Variants in TCF20 observed in about 807,000 individuals in gnomAD.
TCF20 encodes the protein transcription factor 20.
A neutral mutation model predicts 148.6 loss-of-function variants in TCF20; 3 were observed. That is an observed-to-expected ratio of 0.02 (90% CI 0.01 to 0.05). TCF20 has a LOEUF of 0.05. Among genes scored for constraint, TCF20 ranks in the 10% least tolerant of loss-of-function variants. TCF20 has a pLI of 1.00. For synonymous variants in TCF20, 1,049 were observed against 909.5 expected (o/e 1.15, Z -2.76); for missense variants, 2,350 against 2,429.3 (o/e 0.97, Z 0.69).
At chr22:42,311,272 C>T (rs1255878765) in intron 1 of TCF20, among the ~76,000 whole-genome samples, 1 of 152,260 alleles carries the variant, frequency 6.6e-6, no homozygotes, top group Non-Finnish European at 1.5e-5. Flanking sequence ...TGCCTAAGTG[C>T]TTCATCTCCT....
intron 1 of TCF20, among the ~76,000 whole-genome samples, chr22:42,291,419 G>A (rs190885165): frequency 8.5e-5 from 13 of 152,254 alleles, no homozygotes; most frequent in East Asian, 7.7e-4. Flanking sequence ...CTAGAGTCTC[G>A]ACCAGGGTAG....
At position 42,279,594 on chromosome 22, in the gene TCF20, G is replaced by A. The variant is rs1167691140; in HGVS notation, c.-37+4233C>T. Among the ~76,000 whole-genome samples, 1 of 152,226 alleles carries A rather than the reference G, an allele frequency of 6.6e-6. No homozygotes were observed. Among genetic ancestry groups the A allele is most frequent in the Non-Finnish European group, 1.5e-5 (1 of 68,052 alleles). On this transcript the variant is annotated intron_variant, in intron 1 of 5. Coordinates refer to the TCF20 transcript ENST00000359486. The surrounding 1 kb of genome is among the most constrained non-coding windows in gnomAD (Gnocchi z 4.3). The stretch of plus-strand genomic sequence containing the variant: ...AGGGACATTAACATCACCCCCGAGT[G>A]AGGGCTGCAGGCACACAGTGACTGC...
chr22:42,258,151 A>G (rs1925841979), intron 1 of TCF20, among the ~76,000 whole-genome samples: 1 of 152,178 alleles, frequency 6.6e-6, no homozygotes, highest in African/African-American at 2.4e-5. Context: ...GCTCATCTTA[A>G]CTACTTTCTT....
At chr22:42,318,374 C>G (rs1265535470) in intron 1 of TCF20, among the ~76,000 whole-genome samples, 1 of 152,120 alleles carries the variant, frequency 6.6e-6, no homozygotes, top group Non-Finnish European at 1.5e-5. Flanking sequence ...GAACAATTGG[C>G]TAAAATATAC....
In TCF20 at chr22:42,195,223, C is replaced by T. The variant is rs533197820; in HGVS notation, c.5655+14428G>A. Among the ~76,000 whole-genome samples, 6 of 151,152 alleles carry T rather than the reference C, an allele frequency of 4.0e-5. No individual in the cohort carries two copies. The East Asian group carries it at 1.2e-3, about 31-fold the overall frequency. ...CAGTGGCAACTCACATTTTTGTCCC[C>T]AGAGACATACACTGAAACTCATGAA... On this transcript the variant is annotated intron_variant, in intron 2 of 5. Transcript: ENST00000677622.
intron 1 of TCF20, among the ~76,000 whole-genome samples, chr22:42,337,310 C>A (rs922821216): frequency 6.6e-6 from 1 of 152,134 alleles, no homozygotes; most frequent in African/African-American, 2.4e-5. Flanking sequence ...CATACCTCCC[C>A]CTCCTGCCTG....
rs536459024 is a variant in TCF20 at position 42,338,685 on chromosome 22, G to A, written c.-37+4794C>T. ...GCTCCTGCGACGGAGGCTGCCAGGC[G>A]GGACGGGCTGGGCACGGCACGAGGC... On this transcript the variant is annotated intron_variant, in intron 1 of 1. Coordinates refer to the TCF20 transcript ENST00000515426. This position sits in a 1 kb window ranked among gnomAD's most constrained non-coding sequence, Gnocchi z 4.0. 1.3e-5 allele frequency among the ~76,000 whole-genome samples: 2 copies of A among 152,372 alleles called. No individual in the cohort carries two copies. Among genetic ancestry groups the A allele is most frequent in the East Asian group, 1.9e-4 (1 of 5,190 alleles).
chr22:42,301,558 C>T (rs1012229131), intron 1 of TCF20, among the ~76,000 whole-genome samples: 2 of 152,218 alleles, frequency 1.3e-5, no homozygotes, highest in Non-Finnish European at 2.9e-5. Context: ...AGCAGGGCTT[C>T]CTAAGTCAAA....
intron 2 of TCF20, among the ~76,000 whole-genome samples, chr22:42,201,789 C>CA (rs1032301315): frequency 9.2e-5 from 14 of 151,706 alleles, no homozygotes; most frequent in Non-Finnish European, 2.9e-5. Context: ...AAAACCAAAC[C>CA]AAAAAAACCC....
At chr22:42,219,771 G>A (rs976987813) in intron 1 of TCF20, among the ~76,000 whole-genome samples, 1 of 152,014 alleles carries the variant, frequency 6.6e-6, no homozygotes, top group South Asian at 2.1e-4. Flanking sequence ...CAGGAGGATC[G>A]CCTGAGCCTC....
upstream of TCF20, among the ~76,000 whole-genome samples, chr22:42,272,810 G>T (rs916665135): frequency 6.6e-6 from 1 of 152,166 alleles, no homozygotes; most frequent in Non-Finnish European, 1.5e-5. Flanking sequence ...CTTGGACTGC[G>T]TGGCCTTGGA....
intron 1 of TCF20, among the ~76,000 whole-genome samples, chr22:42,253,005 G>C (rs1010215738): frequency 6.6e-6 from 1 of 151,842 alleles, no homozygotes; most frequent in Admixed American, 6.6e-5. Context: ...AACTGAATCA[G>C]GTCAATAAGA....
intron 2 of TCF20, among the ~76,000 whole-genome samples, chr22:42,197,547 C>T (rs571900834): frequency 6.6e-6 from 1 of 152,262 alleles, no homozygotes; most frequent in African/African-American, 2.4e-5. Context: ...TGGTCTCGAT[C>T]TCCTGACCTT....
intron 1 of TCF20, among the ~76,000 whole-genome samples, chr22:42,313,407 G>A (rs1014975341): frequency 5.9e-5 from 9 of 152,078 alleles, no homozygotes; most frequent in African/African-American, 1.7e-4. Flanking sequence ...AGCCCTGCCC[G>A]CTGCACTCTC....
intron 1 of TCF20, among the ~76,000 whole-genome samples, chr22:42,303,077 CCAACA>C (rs1927367406): frequency 6.6e-6 from 1 of 152,202 alleles, no homozygotes; most frequent in Non-Finnish European, 1.5e-5. Flanking sequence ...TTACGGGTGC[CCAACA>C]CAACGCTCGG....
At chr22:42,314,365 C>G (rs1327561714) in intron 1 of TCF20, among the ~76,000 whole-genome samples, 1 of 152,246 alleles carries the variant, frequency 6.6e-6, no homozygotes, top group Non-Finnish European at 1.5e-5. Flanking sequence ...GCCAGAGCGC[C>G]GATGGGCTCT....
chr22:42,227,696 T>C (rs999796091), intron 1 of TCF20, among the ~76,000 whole-genome samples: 7 of 152,266 alleles, frequency 4.6e-5, no homozygotes, highest in Non-Finnish European at 1.0e-4. Flanking sequence ...CTGACTTCCA[T>C]GTCCCTGCCA....
At chr22:42,188,979 C>T (rs1362188774) in intron 2 of TCF20, among the ~76,000 whole-genome samples, 1 of 152,104 alleles carries the variant, frequency 6.6e-6, no homozygotes, top group Non-Finnish European at 1.5e-5. Flanking sequence ...GTAGCTTGAC[C>T]TGAGTCATAA....
intron 1 of TCF20, among the ~76,000 whole-genome samples, chr22:42,328,207 G>A (rs1013864146): frequency 6.6e-5 from 10 of 151,998 alleles, no homozygotes; most frequent in Admixed American, 1.3e-4. Context: ...AGAACCACAC[G>A]TCTCTAGCTG....
Sources: gnomAD v4.1 joint callset for allele counts (sites outside exome capture counted in the v4.1 genomes callset) on GRCh38, gnomAD v4.1.1 for gene constraint, Gnocchi (gnomAD v3.1) non-coding constraint, MANE v1.5 for transcripts, NCBI Gene and HGNC (gene_info 2026-07-23, HGNC 2026-07-21) for gene names.